Variants in HYOU1 observed in about 807,000 individuals in gnomAD.
HYOU1 encodes the protein hypoxia up-regulated protein 1.
Under a neutral mutation model 120.5 loss-of-function variants are expected in HYOU1, and 40 were observed. The observed-to-expected ratio is 0.33, with a 90% confidence interval of 0.26 to 0.43. The LOEUF (loss-of-function observed/expected upper bound fraction) is 0.43. Ranked by LOEUF, HYOU1 falls within the 20% of genes least tolerant of loss-of-function variation. HYOU1 has a pLI of 1.00. For synonymous variants in HYOU1, 501 were observed against 479.4 expected (o/e 1.05, Z -0.59); for missense variants, 1,085 against 1,278.3 (o/e 0.85, Z 2.31).
Position 119,048,666 on chromosome 11 carries a change from C to A in HYOU1, c.2165+48G>T. 1 of 1,606,184 alleles carries A rather than the reference C, an allele frequency of 6.2e-7. No individual in the cohort carries two copies. Among genetic ancestry groups the A allele is most frequent in the Non-Finnish European group, 8.5e-7 (1 of 1,175,678 alleles). ...CCCAGGGCGCCATCCCACATCCTGCCCACCTTGCACACACATGTACACACA... is the reference window on the plus strand; with the variant it reads ...CCCAGGGCGCCATCCCACATCCTGCACACCTTGCACACACATGTACACACA... On this transcript the variant is annotated intron_variant, in intron 18 of 25. Transcript: ENST00000617285. This position sits in a 1 kb window ranked among gnomAD's most constrained non-coding sequence, Gnocchi z 4.7.
At position 119,052,356 on chromosome 11, in the gene HYOU1, T is replaced by C; in HGVS notation, c.1061A>G (p.Asp354Gly). The C allele has an allele frequency of 6.2e-7, 1 of 1,614,190 alleles. No individual in the cohort carries two copies. Among genetic ancestry groups the C allele is most frequent in the East Asian group, 2.2e-5 (1 of 44,880 alleles). ...AGGCCCAGGCACCCGCTCAAACAAG[T>C]CTGCACACAACTCCTCAAATTCCAC... ...TRVEFEELCADLFERVPGPVQ... is the reference protein window; with the variant it reads ...TRVEFEELCAGLFERVPGPVQ... Residue 354 changes from aspartate to glycine, a missense_variant, in exon 10 of 26, where the codon GAC (aspartate) becomes GGC (glycine). Transcript: ENST00000617285. The surrounding 1 kb of genome is among the most constrained non-coding windows in gnomAD (Gnocchi z 5.0).
rs567612617 is a variant in HYOU1, at chr11:119,056,463, A to G, written c.-7-296T>C. Reference sequence around the variant, plus strand: ...GAGACCCGAGCCTTTTGTCCACCACACAGGCAGTGAGTGGCGCACCGCAGC... The same window carrying G: ...GAGACCCGAGCCTTTTGTCCACCACGCAGGCAGTGAGTGGCGCACCGCAGC... On this transcript the variant is annotated intron_variant, in intron 1 of 25. Transcript: ENST00000617285. 72 of 484,990 alleles carry G rather than the reference A, an allele frequency of 1.5e-4. 1 individual carries two copies. Among genetic ancestry groups the G allele is most frequent in the South Asian group, 1.1e-3 (70 of 62,582 alleles). 30.0% of individuals were successfully genotyped at this position (484,990 alleles called of 1,614,324 possible).
At chr11:119,045,738 G>C (rs2133544201) in intron 25 of HYOU1, 43 bp downstream of exon 25, 1 of 1,613,166 alleles carries the variant, frequency 6.2e-7, no homozygotes, top group Non-Finnish European at 8.5e-7. Context: ...GATTTCCTGA[G>C]ACCCCACCAG....
intron 24 of HYOU1, among the ~76,000 whole-genome samples, 186 bp from the exon 25 acceptor site, chr11:119,046,017 A>AG (rs1337931191): frequency 1.3e-5 from 2 of 152,168 alleles, no homozygotes; most frequent in African/African-American, 4.8e-5. Context: ...TGCAGAGTGC[A>AG]GTGGCGCCAT....
intron 14 of HYOU1, among the ~76,000 whole-genome samples, chr11:119,050,564 A>C (rs2133579375): frequency 6.6e-5 from 10 of 151,868 alleles, no homozygotes; most frequent in Non-Finnish European, 1.3e-4. Flanking sequence ...AATAAAGTAC[A>C]AAAAAATTTC....
At chr11:119,046,211 C>T (rs1017996224) in intron 24 of HYOU1, among the ~76,000 whole-genome samples, 6 of 151,948 alleles carry the variant, frequency 3.9e-5, no homozygotes, top group Non-Finnish European at 8.8e-5. Flanking sequence ...GGTGATCTAC[C>T]CGCCTCAGCC....
At chr11:119,053,158 CACT>C (rs2133597972) in intron 8 of HYOU1, 14 of 279,654 alleles carry the variant, frequency 5.0e-5, no homozygotes, top group Non-Finnish European at 8.8e-5. Flanking sequence ...GTGAAATTAT[CACT>C]ACGTCACATG....
chr11:119,045,487 A>G lies in HYOU1; in HGVS notation c.*106T>C. 2.1e-6 allele frequency: 2 copies of G among 965,408 alleles called. No homozygotes were observed. The highest frequency in any genetic ancestry group is 3.4e-6 in the Non-Finnish European group (2 of 593,776). The allele number at this position is 965,408 out of a possible 1,614,324, so 59.8% of individuals were successfully genotyped here. On this transcript the variant is annotated 3_prime_UTR_variant, in exon 26 of 26. Transcript: ENST00000617285. ...TCCAAATCACAGGGGTGAGAAAGGA[A>G]CTCCAGCCGAGGGCAGGACCAACCC...
At position 119,048,692 on chromosome 11, in the gene HYOU1, C is replaced by A; in HGVS notation, c.2165+22G>T. On this transcript the variant is annotated intron_variant, in intron 18 of 25. Transcript: ENST00000617285. This position sits in a 1 kb window ranked among gnomAD's most constrained non-coding sequence, Gnocchi z 4.7. ...CACCTTGCACACACATGTACACACACACACCAGCTGTCCTCACTTACTTCT... is the reference window on the plus strand; with the variant it reads ...CACCTTGCACACACATGTACACACAAACACCAGCTGTCCTCACTTACTTCT... 1 of 1,606,800 alleles carries A rather than the reference C, an allele frequency of 6.2e-7. No individual in the cohort carries two copies. The highest frequency in any genetic ancestry group is 1.7e-5 in the Admixed American group (1 of 59,508).
rs2133585957 is a variant in HYOU1 at position 119,051,570 on chromosome 11, T to C, written c.1394A>G (p.Asn465Ser). The change falls in exon 13 of 26, where the codon AAT becomes AGT. Residue 465 changes from asparagine (N) to serine (S), a missense_variant. By Grantham distance (46) the Asn-to-Ser change is conservative (BLOSUM62 1). This residue lies in a region of HYOU1 where 515 missense variants were observed against 677.8 expected (regional missense o/e 0.76). Coordinates refer to ENST00000617285, the MANE Select transcript of HYOU1 (RefSeq NM_006389.5). The surrounding 1 kb of genome is among the most constrained non-coding windows in gnomAD (Gnocchi z 4.2). Reference protein sequence around the residue: ...EEPGIHSLKHNKRVLFSRMGP... With the variant: ...EEPGIHSLKHSKRVLFSRMGP... ...CATCCGAGAGAAGAGTACCCGTTTATTGTGCTTCAGGCTGTGAATCCCAGG... is the reference window on the plus strand; with the variant it reads ...CATCCGAGAGAAGAGTACCCGTTTACTGTGCTTCAGGCTGTGAATCCCAGG... 12 of 1,614,014 alleles carry C rather than the reference T, an allele frequency of 7.4e-6. No homozygotes were observed. The highest frequency in any genetic ancestry group is 2.5e-6 in the Non-Finnish European group (3 of 1,180,032).
rs1944504321 is a variant in HYOU1 at position 119,052,533 on chromosome 11, G to A, written c.987+104C>T. ...TAGGTCTTTGGGAGGATGGTAGCGGGAGGAGCATGGGCCATGCCAGGCACG... is the reference window on the plus strand; with the variant it reads ...TAGGTCTTTGGGAGGATGGTAGCGGAAGGAGCATGGGCCATGCCAGGCACG... On this transcript the variant is annotated intron_variant, in intron 9 of 25. Coordinates refer to ENST00000617285, the MANE Select transcript of HYOU1 (RefSeq NM_006389.5). This position sits in a 1 kb window ranked among gnomAD's most constrained non-coding sequence, Gnocchi z 5.0. 1.9e-6 allele frequency: 3 copies of A among 1,580,658 alleles called. No individual in the cohort carries two copies. Among genetic ancestry groups the A allele is most frequent in the South Asian group, 1.2e-5 (1 of 86,242 alleles).
In HYOU1 at chr11:119,055,344, G is replaced by A. The variant is rs2133612566; in HGVS notation, c.265-5C>T. 2 of 1,612,742 alleles carry A rather than the reference G, an allele frequency of 1.2e-6. No individual in the cohort carries two copies. The highest frequency in any genetic ancestry group is 1.7e-6 in the Non-Finnish European group (2 of 1,179,104). ...AGCCTTTGGATTCTTAATCGCCTGA[G>A]GGGTGAAGAAGGAGCAGACTAGTAT... On this transcript the variant is annotated splice_region_variant and splice_polypyrimidine_tract_variant and intron_variant, in intron 4 of 25. Transcript: ENST00000617285. The surrounding 1 kb of genome is among the most constrained non-coding windows in gnomAD (Gnocchi z 4.0).
intron 14 of HYOU1, 123 bp from the exon 15 acceptor site, chr11:119,049,960 C>A: frequency 1.1e-6 from 1 of 881,556 alleles, no homozygotes; most frequent in Non-Finnish European, 1.9e-6. Context: ...CTCTCACCTG[C>A]CTTTTCTAAG....
At chr11:119,046,345 T>C in intron 24 of HYOU1, 72 bp downstream of exon 24, 1 of 1,382,350 alleles carries the variant, frequency 7.2e-7, no homozygotes, top group Admixed American at 1.7e-5. Flanking sequence ...AGAAACAGGC[T>C]GTGCCTGCCA....
chr11:119,053,011 C>T lies in HYOU1; in HGVS notation c.795-182G>A, dbSNP rs116420227. On this transcript the variant is annotated intron_variant, in intron 8 of 25. Coordinates refer to ENST00000617285, the MANE Select transcript of HYOU1 (RefSeq NM_006389.5). Reference sequence around the variant, plus strand: ...TCTCTACAGCACAGCTGACACCTCGCAGTGACCCTTCTTCCACTCATTCAT... The same window carrying T: ...TCTCTACAGCACAGCTGACACCTCGTAGTGACCCTTCTTCCACTCATTCAT... 160 of 575,310 alleles carry T rather than the reference C, an allele frequency of 2.8e-4. 1 individual carries two copies. In the African/African-American group the frequency reaches 2.8e-3, roughly 10 times the overall value. 35.6% of individuals were successfully genotyped at this position (575,310 alleles called of 1,614,324 possible).
chr11:119,054,191 T>C lies in HYOU1; in HGVS notation c.724A>G (p.Ile242Val), dbSNP rs2133603298. The change falls in exon 8 of 26, where the codon ATT becomes GTT. Residue 242 changes from isoleucine (I) to valine (V), a missense_variant. By Grantham distance (29) the Ile-to-Val change is conservative. Transcript: ENST00000617285. The stretch of plus-strand genomic sequence containing the variant: ...GTCTTCACCATCTGGTAGGTCACAA[T>C]GGTGCATACGGTGCTGCCTGAGCCC... ...DMGSGSTVCT[I>V]VTYQMVKTKE... 4 of 1,614,174 alleles carry C rather than the reference T, an allele frequency of 2.5e-6. No individual in the cohort carries two copies. The South Asian group carries it at 3.3e-5, about 13-fold the overall frequency.
At chr11:119,053,268 T>C (rs1565718749) in intron 8 of HYOU1, 1 of 166,210 alleles carries the variant, frequency 6.0e-6, no homozygotes, top group Non-Finnish European at 1.3e-5. Context: ...AAAGTGATGC[T>C]TGAACTGAAA....
In HYOU1 at chr11:119,048,962, G is replaced by GGC. The variant is rs1944249182; in HGVS notation, c.1992+54_1992+55dup. ...TCTCCACAAGGCCAGAAACAAGGCA[G>GGC]GCGCCTGCTCCCTTAGCCTCTGGAT... On this transcript the variant is annotated intron_variant, in intron 17 of 25. Transcript: ENST00000617285. The surrounding 1 kb of genome is among the most constrained non-coding windows in gnomAD (Gnocchi z 4.7). The GGC allele has an allele frequency of 1.2e-6, 2 of 1,611,388 alleles. No individual in the cohort carries two copies. The highest frequency in any genetic ancestry group is 1.7e-6 in the Non-Finnish European group (2 of 1,178,564).
intron 6 of HYOU1, 120 bp downstream of exon 6, chr11:119,054,864 C>A: frequency 8.4e-7 from 1 of 1,185,614 alleles, no homozygotes; most frequent in Non-Finnish European, 1.2e-6. Flanking sequence ...GATGTGACAA[C>A]CAAAATCTAT....
Sources: allele counts gnomAD v4.1 joint callset (sites outside exome capture counted in the v4.1 genomes callset), GRCh38; gene constraint gnomAD v4.1.1; regional missense constraint gnomAD v4.1.1; non-coding constraint Gnocchi (gnomAD v3.1); transcripts MANE v1.5; gene names NCBI Gene and HGNC (gene_info 2026-07-23, HGNC 2026-07-21).